CNTN5: variants seen among roughly 807,000 people sequenced by gnomAD.
CNTN5 encodes contactin-5.
In CNTN5, 77 loss-of-function variants were observed where a neutral mutation model predicts 129.1. That is an observed-to-expected ratio of 0.60 (90% CI 0.50 to 0.72). The LOEUF is 0.72. Among genes scored for constraint, CNTN5 ranks in the 30% least tolerant of loss-of-function variants. CNTN5 has a pLI of 0.00. For missense variants in CNTN5, 1,478 were observed against 1,328.8 expected (o/e 1.11, Z -1.75); for synonymous variants, 509 against 465.6 (o/e 1.09, Z -1.20).
intron 13 of CNTN5, among the ~76,000 whole-genome samples, chr11:100,091,894 G>A (rs1944801818): frequency 6.6e-6 from 1 of 152,056 alleles, no homozygotes; most frequent in African/African-American, 2.4e-5. Context: ...GTCTTCTGCA[G>A]TTCCTACCTT....
chr11:99,766,449 T>A (rs1944757763), intron 3 of CNTN5, among the ~76,000 whole-genome samples: 1 of 152,064 alleles, frequency 6.6e-6, no homozygotes, highest in Admixed American at 6.6e-5. Context: ...AACAGTGCTA[T>A]AGGCTTGGGA....
intron 4 of CNTN5, among the ~76,000 whole-genome samples, chr11:99,824,172 T>A (rs1041679455): frequency 6.6e-6 from 1 of 152,048 alleles, no homozygotes; most frequent in African/African-American, 2.4e-5. Flanking sequence ...AGTGCAATTT[T>A]TATATAAAAG....
In CNTN5 at chr11:99,961,477, TA is replaced by T. The variant is rs201084343; in HGVS notation, c.877+4472del. ...AAAGTATTAAAGAAGTGGAGAAAAC[TA>T]AAACACAGAATAAAGTGTAAGGGGT... On this transcript the variant is annotated intron_variant, in intron 8 of 24. Transcript: ENST00000524871. Among the ~76,000 whole-genome samples, 67 of 152,142 alleles carry T rather than the reference TA, an allele frequency of 4.4e-4. No individual in the cohort carries two copies. The East Asian group carries it at 0.013, about 29-fold the overall frequency.
At chr11:99,617,240 G>A (rs935671518) in intron 3 of CNTN5, among the ~76,000 whole-genome samples, 11 of 152,188 alleles carry the variant, frequency 7.2e-5, no homozygotes, top group African/African-American at 2.7e-4. Flanking sequence ...GAACCACGTA[G>A]CATGATCAGT....
rs985731584 is a variant in CNTN5 at position 99,190,429 on chromosome 11, CA to C, written c.-209-134914del. 4.0e-5 allele frequency among the ~76,000 whole-genome samples: 6 copies of C among 151,366 alleles called. 1 individual carries two copies. Among genetic ancestry groups the C allele is most frequent in the Non-Finnish European group, 7.4e-5 (5 of 67,620 alleles). On this transcript the variant is annotated intron_variant, in intron 1 of 24. Coordinates refer to ENST00000524871, the MANE Select transcript of CNTN5 (RefSeq NM_014361.4). ...ACTGTAAGATTTTTTTCTATTTCTGCAAATAATGTTATTAGCATTTTGAAAG... is the reference window on the plus strand; with the variant it reads ...ACTGTAAGATTTTTTTCTATTTCTGCAATAATGTTATTAGCATTTTGAAAG...
At chr11:99,657,665 C>T (rs1952428761) in intron 3 of CNTN5, among the ~76,000 whole-genome samples, 1 of 151,936 alleles carries the variant, frequency 6.6e-6, no homozygotes, top group Admixed American at 6.6e-5. Flanking sequence ...TTTTTAGGTA[C>T]TTGACAAGTT....
intron 1 of CNTN5, among the ~76,000 whole-genome samples, chr11:99,258,057 G>T (rs1264818445): frequency 6.6e-6 from 1 of 152,008 alleles, no homozygotes; most frequent in Non-Finnish European, 1.5e-5. Flanking sequence ...ACCTAAAACT[G>T]AAATTCTCGC....
intron 1 of CNTN5, among the ~76,000 whole-genome samples, chr11:99,074,868 T>C (rs149455788): frequency 6.6e-6 from 1 of 152,280 alleles, no homozygotes; most frequent in East Asian, 1.9e-4. Context: ...GTTCTTAAAT[T>C]ACAACATGTA....
At chr11:99,446,798 T>A (rs887935694) in intron 2 of CNTN5, among the ~76,000 whole-genome samples, 1 of 152,310 alleles carries the variant, frequency 6.6e-6, no homozygotes, top group East Asian at 1.9e-4. Flanking sequence ...ATATAGTCAA[T>A]ACAATTTAGG....
At chr11:99,810,897 T>C (rs1946409249) in intron 3 of CNTN5, among the ~76,000 whole-genome samples, 1 of 152,136 alleles carries the variant, frequency 6.6e-6, no homozygotes, top group South Asian at 2.1e-4. Flanking sequence ...CTGTATACTC[T>C]GTCATGAATA....
At chr11:99,310,146 C>A (rs1465850100) in intron 1 of CNTN5, among the ~76,000 whole-genome samples, 1 of 151,920 alleles carries the variant, frequency 6.6e-6, no homozygotes, top group Non-Finnish European at 1.5e-5. Flanking sequence ...GCCAATTTTG[C>A]CTCAAAAGTT....
intron 13 of CNTN5, among the ~76,000 whole-genome samples, chr11:100,161,031 A>G (rs969507528): frequency 1.3e-5 from 2 of 151,946 alleles, no homozygotes; most frequent in African/African-American, 4.8e-5. Context: ...TTCCAGTCAT[A>G]CCTCACAACA....
At chr11:100,288,614 T>C (rs1413577496) in intron 18 of CNTN5, among the ~76,000 whole-genome samples, 1 of 151,308 alleles carries the variant, frequency 6.6e-6, no homozygotes, top group African/African-American at 2.4e-5. Flanking sequence ...AAGCAGTGTG[T>C]ACAGGGAAAT....
intron 1 of CNTN5, among the ~76,000 whole-genome samples, chr11:99,036,952 A>G (rs1863766063): frequency 6.6e-6 from 1 of 152,204 alleles, no homozygotes; most frequent in South Asian, 2.1e-4. Context: ...CAAGAGGTCA[A>G]TCTAAAATGC....
At chr11:100,209,642 T>A (rs1245800148) in intron 15 of CNTN5, among the ~76,000 whole-genome samples, 1 of 152,216 alleles carries the variant, frequency 6.6e-6, no homozygotes, top group African/African-American at 2.4e-5. Context: ...ATTTGCTACC[T>A]CATCTGTCCT....
chr11:99,967,277 G>A (rs1349811179), intron 8 of CNTN5, among the ~76,000 whole-genome samples: 3 of 152,164 alleles, frequency 2.0e-5, no homozygotes, highest in African/African-American at 4.8e-5. Flanking sequence ...AAGATTTGAA[G>A]TGCGTAGAAA....
chr11:100,040,138 T>C (rs548459407), intron 9 of CNTN5, among the ~76,000 whole-genome samples: 1 of 151,720 alleles, frequency 6.6e-6, no homozygotes, highest in Non-Finnish European at 1.5e-5. Flanking sequence ...GACGTACAGA[T>C]GGGTTTTTGG....
chr11:100,354,107 G>A (rs576392793), intron 24 of CNTN5, among the ~76,000 whole-genome samples: 1 of 151,578 alleles, frequency 6.6e-6, no homozygotes, highest in African/African-American at 2.4e-5. Flanking sequence ...GCCTTTCTAA[G>A]CCCCAGTTCC....
At chr11:99,483,582 T>C (rs1383705262) in intron 2 of CNTN5, among the ~76,000 whole-genome samples, 1 of 152,178 alleles carries the variant, frequency 6.6e-6, no homozygotes, top group Non-Finnish European at 1.5e-5. Flanking sequence ...GGAGCCTCCC[T>C]GGTGCCAGCT....
Sources: allele counts gnomAD v4.1 joint callset (sites outside exome capture counted in the v4.1 genomes callset), GRCh38; gene constraint gnomAD v4.1.1; transcripts MANE v1.5; gene names NCBI Gene and HGNC (gene_info 2026-07-23, HGNC 2026-07-21).